SPESP1: variants seen among roughly 807,000 people sequenced by gnomAD.
SPESP1 encodes sperm equatorial segment protein 1, also known as equatorial segment protein.
A neutral mutation model predicts 3.1 loss-of-function variants in SPESP1; 1 was observed. The ratio of observed to expected loss-of-function variants is 0.33; its 90% CI spans 0.12 to 1.54. The LOEUF is 1.54. SPESP1 is among the 40% of genes most tolerant of loss of function. The probability of loss-of-function intolerance (pLI) is 0.38; values close to 1 mark genes in which losing one functional copy is unlikely to be tolerated. For synonymous variants in SPESP1, 138 were observed against 150.7 expected, an observed-to-expected ratio of 0.92 and a Z score of 0.62; for missense variants, 398 against 410.1, an observed-to-expected ratio of 0.97 and a Z score of 0.26.
intron 1 of SPESP1, among the ~76,000 whole-genome samples, chr15:68,931,120 G>C (rs1006914195): frequency 1.3e-5 from 2 of 151,888 alleles, no homozygotes; most frequent in Non-Finnish European, 2.9e-5. Context: ...TAAGTTCTAG[G>C]GTACATGTGC....
chr15:68,934,659 C>T (rs1895638764), intron 1 of SPESP1, among the ~76,000 whole-genome samples: 1 of 151,908 alleles, frequency 6.6e-6, no homozygotes, highest in Non-Finnish European at 1.5e-5. Flanking sequence ...TCATATTATC[C>T]CTTAAATGGA....
chr15:68,930,548 A>G lies in SPESP1; in HGVS notation c.-106A>G. On this transcript the variant is annotated 5_prime_UTR_variant, in exon 1 of 2. Coordinates refer to ENST00000310673, the MANE Select transcript of SPESP1 (RefSeq NM_145658.4). ...CCGTTGCTGGGTGTCCCAGGGCCTG[A>G]GGCAGGACGGTACTCCGCTGACACC... The G allele has an allele frequency of 6.9e-7, 1 of 1,446,792 alleles. No homozygotes were observed. Among genetic ancestry groups the G allele is most frequent in the South Asian group, 1.2e-5 (1 of 85,418 alleles). The allele number at this position is 1,446,792 out of a possible 1,614,324, so 89.6% of individuals were successfully genotyped here.
intron 1 of SPESP1, among the ~76,000 whole-genome samples, chr15:68,931,986 A>G (rs1895555353): frequency 6.6e-6 from 1 of 152,250 alleles, no homozygotes; most frequent in Admixed American, 6.5e-5. Context: ...ATACAACACA[A>G]TCTAAATTAT....
chr15:68,941,818 G>T (rs530809885), intron 1 of SPESP1, among the ~76,000 whole-genome samples: 2 of 152,036 alleles, frequency 1.3e-5, no homozygotes, highest in Non-Finnish European at 2.9e-5. Context: ...TCTTCATATT[G>T]ATTTTGGCAT....
At chr15:68,940,413 C>T (rs1473820702) in intron 1 of SPESP1, among the ~76,000 whole-genome samples, 3 of 152,138 alleles carry the variant, frequency 2.0e-5, no homozygotes, top group Admixed American at 6.5e-5. Context: ...TAATTTTTTA[C>T]TTATAAAAAT....
At chr15:68,944,127 G>T (rs1895898433) in intron 1 of SPESP1, among the ~76,000 whole-genome samples, 1 of 152,012 alleles carries the variant, frequency 6.6e-6, no homozygotes, top group Non-Finnish European at 1.5e-5. Flanking sequence ...ACTTGAAAAT[G>T]GCAAACCTTA....
intron 1 of SPESP1, among the ~76,000 whole-genome samples, chr15:68,941,460 A>T (rs1895820831): frequency 2.0e-5 from 3 of 152,210 alleles, no homozygotes; most frequent in Admixed American, 2.0e-4. Flanking sequence ...ATCAAGGCAT[A>T]GACTGGGCTA....
chr15:68,932,388 C>T (rs1401250474), intron 1 of SPESP1, among the ~76,000 whole-genome samples: 8 of 137,482 alleles, frequency 5.8e-5, no homozygotes, highest in African/African-American at 8.1e-5. Flanking sequence ...CTTCCCTTTT[C>T]CCCCCCTTTT....
At chr15:68,936,955 G>A (rs1456001959) in intron 1 of SPESP1, among the ~76,000 whole-genome samples, 2 of 152,242 alleles carry the variant, frequency 1.3e-5, no homozygotes, top group African/African-American at 2.4e-5. Context: ...GAAAGACGTA[G>A]TAAGCTGTGT....
At chr15:68,930,772 C>G (rs941533600) in intron 1 of SPESP1, 55 bp downstream of exon 1, 3 of 1,611,278 alleles carry the variant, frequency 1.9e-6, no homozygotes, top group African/African-American at 2.7e-5. Context: ...GGGAACTTCC[C>G]GAGCTCCGCG....
At chr15:68,939,230 G>A (rs1228714038) in intron 1 of SPESP1, among the ~76,000 whole-genome samples, 3 of 152,186 alleles carry the variant, frequency 2.0e-5, no homozygotes, top group Non-Finnish European at 2.9e-5. Flanking sequence ...CTGGGCCAGA[G>A]CCATGTTCTA....
At position 68,946,245 on chromosome 15, in the gene SPESP1, G is replaced by A. The variant is rs142540291; in HGVS notation, c.711G>A (p.Val237=). ...AAATTTTAGATATTAATTCACAAGTGCAACAGGCACTTCTTAGTGACACCA... is the reference window on the plus strand; with the variant it reads ...AAATTTTAGATATTAATTCACAAGTACAACAGGCACTTCTTAGTGACACCA... The part of the protein sequence containing the change: ...LKKILDINSQ[V]QQALLSDTSN... Residue 237 remains valine, a synonymous_variant, in exon 2 of 2, where the codon GTG becomes GTA. Coordinates refer to ENST00000310673, the MANE Select transcript of SPESP1 (RefSeq NM_145658.4). The A allele has an allele frequency of 1.2e-6, 2 of 1,614,080 alleles. No homozygotes were observed. Among genetic ancestry groups the A allele is most frequent in the South Asian group, 1.1e-5 (1 of 91,060 alleles).
At chr15:68,937,636 C>T (rs541353250) in intron 1 of SPESP1, among the ~76,000 whole-genome samples, 29 of 152,104 alleles carry the variant, frequency 1.9e-4, no homozygotes, top group Admixed American at 1.7e-3. Flanking sequence ...CACCAACAGG[C>T]GGTGGTGTGT....
At chr15:68,930,914 C>T (rs377637655) in intron 1 of SPESP1, among the ~76,000 whole-genome samples, 197 bp downstream of exon 1, 128 of 152,256 alleles carry the variant, frequency 8.4e-4, no homozygotes, top group African/African-American at 2.9e-3. Context: ...TGAGGCGGCG[C>T]GGCCCAGATG....
intron 1 of SPESP1, among the ~76,000 whole-genome samples, chr15:68,941,100 A>G (rs1264019372): frequency 1.3e-5 from 2 of 152,064 alleles, no homozygotes; most frequent in African/African-American, 4.8e-5. Flanking sequence ...TGATAAGGCT[A>G]GGCTTTGTTT....
intron 1 of SPESP1, among the ~76,000 whole-genome samples, chr15:68,942,075 C>T (rs567738170): frequency 6.1e-4 from 93 of 152,306 alleles, no homozygotes; most frequent in Admixed American, 1.0e-3. Context: ...CCACCTGCCT[C>T]GGCCTCTCAA....
chr15:68,945,223 A>G (rs1895929170), intron 1 of SPESP1, among the ~76,000 whole-genome samples: 1 of 152,222 alleles, frequency 6.6e-6, no homozygotes, highest in Non-Finnish European at 1.5e-5. Flanking sequence ...AAATTTAACA[A>G]TGGGCTCTAG....
chr15:68,930,944 G>A (rs1895518614), intron 1 of SPESP1, among the ~76,000 whole-genome samples: 2 of 152,204 alleles, frequency 1.3e-5, no homozygotes, highest in South Asian at 4.1e-4. Context: ...GCGCCTGCGG[G>A]CCGTGGGCGC....
rs1895957082 is a variant in SPESP1, at chr15:68,946,131, T to C, written c.597T>C (p.Val199=). Residue 199 remains valine (V), a synonymous_variant, in exon 2 of 2, where the codon GTT becomes GTC. Transcript: ENST00000310673. The part of the protein sequence containing the change: ...GIGISTESED[V]PQLSGETAIE... ...GGATCTCTACAGAATCAGAAGATGT[T>C]CCTCAGCTCTCAGGTGAAACTGCGA... is the stretch of plus-strand genomic sequence containing the variant. 1.2e-6 allele frequency: 2 copies of C among 1,614,186 alleles called. No individual in the cohort carries two copies. The highest frequency in any genetic ancestry group is 1.7e-6 in the Non-Finnish European group (2 of 1,180,030).
Sources: gnomAD v4.1 joint callset for allele counts (sites outside exome capture counted in the v4.1 genomes callset) on GRCh38, gnomAD v4.1.1 for gene constraint, MANE v1.5 for transcripts, NCBI Gene and HGNC (gene_info 2026-07-23, HGNC 2026-07-21) for gene names.